Variants in PPFIBP2 observed in about 807,000 individuals in gnomAD.
PPFIBP2 encodes PPFIB scaffold protein 2.
PPFIBP2 carries 118 observed loss-of-function variants against 118.3 expected under a neutral mutation model. That is an observed-to-expected ratio of 1.00 (90% CI 0.86 to 1.16). The LOEUF (loss-of-function observed/expected upper bound fraction) is 1.16, where lower values mean the gene tolerates loss of function less well. PPFIBP2 is among the 50% of genes most tolerant of loss of function. The pLI is 0.00. For synonymous variants in PPFIBP2, 414 were observed against 397.4 expected (o/e 1.04, Z -0.50); for missense variants, 1,195 against 1,073.1 (o/e 1.11, Z -1.59).
chr11:7,625,620 CCTGTGGAGAGGG>C (rs1188823277), intron 7 of PPFIBP2, among the ~76,000 whole-genome samples, 145 bp from the exon 8 acceptor site: 4 of 152,244 alleles, frequency 2.6e-5, no homozygotes, highest in Non-Finnish European at 5.9e-5. Flanking sequence ...CAGAGTTCCA[CCTGTGGAGAGGG>C]CAGTGAGCCC....
At chr11:7,663,590 T>G in the PPFIBP2 span, among the ~76,000 whole-genome samples, 5 of 152,314 alleles carry the variant, frequency 3.3e-5, no homozygotes, top group Admixed American at 6.5e-5. Context: ...AGAAGTTACT[T>G]CTGTCTTTTT....
chr11:7,591,940 G>A (rs1007552956), intron 3 of PPFIBP2, among the ~76,000 whole-genome samples: 3 of 152,224 alleles, frequency 2.0e-5, no homozygotes, highest in African/African-American at 4.8e-5. Flanking sequence ...CTCATGGAGG[G>A]TGGTGGGAGA....
intron 17 of PPFIBP2, 143 bp from the exon 18 acceptor site, chr11:7,648,243 GA>G (rs1853409630): frequency 3.4e-6 from 3 of 879,190 alleles, no homozygotes; most frequent in Non-Finnish European, 5.0e-6. Context: ...TTGTTCAGCA[GA>G]ATCCCATGAT....
chr11:7,616,776 G>A lies in PPFIBP2; in HGVS notation c.619-4159G>A, dbSNP rs531588764. On this transcript the variant is annotated intron_variant, in intron 6 of 23. Transcript: ENST00000299492. This position sits in a 1 kb window ranked among gnomAD's most constrained non-coding sequence, Gnocchi z 5.2. ...GGAGAGAGGACGTGTTTGTGTGTGT[G>A]CCCCAGTGTGCACCCATCTCTGCTA... is the stretch of plus-strand genomic sequence containing the variant. Among the ~76,000 whole-genome samples the A allele has an allele frequency of 1.3e-5, 2 of 151,444 alleles. No individual in the cohort carries two copies. The highest frequency in any genetic ancestry group is 1.3e-4 in the Admixed American group (2 of 15,078).
At chr11:7,574,669 C>A (rs932471482) in intron 3 of PPFIBP2, among the ~76,000 whole-genome samples, 29 of 152,118 alleles carry the variant, frequency 1.9e-4, no homozygotes, top group African/African-American at 6.8e-4. Context: ...GTTTGCCTTG[C>A]CAGGCCAGTG....
intron 13 of PPFIBP2, 116 bp from the exon 14 acceptor site, chr11:7,635,436 G>C (rs1348797058): frequency 1.1e-6 from 1 of 941,032 alleles, no homozygotes; most frequent in Non-Finnish European, 1.7e-6. Context: ...AAGATGTGGA[G>C]GGAGGGGATG....
chr11:7,627,224 G>A (rs1271567458), intron 8 of PPFIBP2, among the ~76,000 whole-genome samples: 1 of 152,192 alleles, frequency 6.6e-6, no homozygotes, highest in Non-Finnish European at 1.5e-5. Flanking sequence ...CAGTGGATCA[G>A]GGTTGGCAGT....
In PPFIBP2 at chr11:7,648,921, G is replaced by A. The variant is rs561815268; in HGVS notation, c.1909+10G>A. The A allele has an allele frequency of 2.1e-5, 33 of 1,602,758 alleles. No individual in the cohort carries two copies. The Middle Eastern group carries it at 1.3e-3, about 64-fold the overall frequency. ...CACATTTGGGTGACAAGTAAGGATAGGCATATATGTATTAAGAATGTCTCT... is the reference window on the plus strand; with the variant it reads ...CACATTTGGGTGACAAGTAAGGATAAGCATATATGTATTAAGAATGTCTCT... On this transcript the variant is annotated intron_variant, in intron 19 of 23. Transcript: ENST00000299492.
chr11:7,650,998 T>A (rs200827539), intron 22 of PPFIBP2, 33 bp downstream of exon 22: 1 of 1,597,246 alleles, frequency 6.3e-7, no homozygotes. Context: ...CCACCTGCCT[T>A]GGTGCAAATG....
chr11:7,523,826 C>T (rs1327955858), intron 1 of PPFIBP2, among the ~76,000 whole-genome samples: 1 of 152,168 alleles, frequency 6.6e-6, no homozygotes, highest in African/African-American at 2.4e-5. Flanking sequence ...ATCCAGATCT[C>T]AGGATTTCTC....
At chr11:7,543,714 A>G (rs1443488490) in intron 1 of PPFIBP2, among the ~76,000 whole-genome samples, 1 of 152,232 alleles carries the variant, frequency 6.6e-6, no homozygotes, top group African/African-American at 2.4e-5. Context: ...CTTGCTTCCG[A>G]CTTACCTTCA....
intron 1 of PPFIBP2, among the ~76,000 whole-genome samples, chr11:7,517,701 T>G (rs1590082599): frequency 6.6e-6 from 1 of 152,110 alleles, no homozygotes; most frequent in Non-Finnish European, 1.5e-5. Flanking sequence ...ACTGGGTGGG[T>G]CCTGAAAAAT....
At chr11:7,582,003 A>AT (rs1408421037) in intron 3 of PPFIBP2, among the ~76,000 whole-genome samples, 1 of 151,872 alleles carries the variant, frequency 6.6e-6, no homozygotes, top group Non-Finnish European at 1.5e-5. Flanking sequence ...TGCCCAGCTA[A>AT]TTTTTTGTAT....
intron 3 of PPFIBP2, among the ~76,000 whole-genome samples, chr11:7,592,492 C>G (rs1401775819): frequency 6.6e-6 from 1 of 151,998 alleles, no homozygotes; most frequent in Non-Finnish European, 1.5e-5. Flanking sequence ...GCTTGCTTCT[C>G]TCAGCTCTAG....
Position 7,629,628 on chromosome 11 carries a change from CTG to C in PPFIBP2, c.964+96_964+97del, listed in dbSNP as rs1045740231. The C allele has an allele frequency of 2.6e-5, 32 of 1,244,134 alleles. No individual in the cohort carries two copies. In the African/African-American group the frequency reaches 4.6e-4, roughly 18 times the overall value. The allele number at this position is 1,244,134 out of a possible 1,614,324, so 77.1% of individuals were successfully genotyped here. A position where few individuals can be genotyped will look rare whatever the true frequency, so the allele number is the denominator to read the frequency against. On this transcript the variant is annotated intron_variant, in intron 10 of 23. Coordinates refer to ENST00000299492, the MANE Select transcript of PPFIBP2 (RefSeq NM_003621.5). ...AGTTCTGCTAGCAGCTGTTTCACCT[CTG>C]TTTCAGAGAAGACTCCCTACTGGAG...
the PPFIBP2 span, chr11:7,665,370 G>GGTGT: frequency 6.7e-7 from 1 of 1,495,572 alleles, no homozygotes; most frequent in East Asian, 2.4e-5. Context: ...AGCACGTGGA[G>GGTGT]GTGTTAGTAG....
intron 2 of PPFIBP2, among the ~76,000 whole-genome samples, chr11:7,551,143 A>C (rs1852938107): frequency 6.6e-6 from 1 of 151,996 alleles, no homozygotes. Context: ...TATTGAGGAG[A>C]AAGAGTCAAG....
Position 7,653,246 on chromosome 11 carries a change from CCT to C in PPFIBP2, c.*29_*30del. 2.5e-6 allele frequency: 4 copies of C among 1,613,310 alleles called. No individual in the cohort carries two copies. The highest frequency in any genetic ancestry group is 1.1e-5 in the South Asian group (1 of 90,966). On this transcript the variant is annotated 3_prime_UTR_variant, in exon 24 of 24. Transcript: ENST00000299492. ...CCCTTGTCACCTGCCCTCTGTGCACCCTGAGAGCTCACAGTAACACTGTGTGT... is the reference window on the plus strand; with the variant it reads ...CCCTTGTCACCTGCCCTCTGTGCACCGAGAGCTCACAGTAACACTGTGTGT...
chr11:7,565,199 A>C (rs4598664), intron 2 of PPFIBP2, among the ~76,000 whole-genome samples: 30,761 of 152,100 alleles, frequency 0.2, 3,200 homozygotes, highest in African/African-American at 0.23. Flanking sequence ...GCCCGAGATT[A>C]GATAAAGATG....
Sources: gnomAD v4.1 joint callset for allele counts (sites outside exome capture counted in the v4.1 genomes callset) on GRCh38, gnomAD v4.1.1 for gene constraint, Gnocchi (gnomAD v3.1) non-coding constraint, MANE v1.5 for transcripts, NCBI Gene and HGNC (gene_info 2026-07-23, HGNC 2026-07-21) for gene names.